The following CELF2 variants were observed in gnomAD, a reference collection of about 807,000 sequenced individuals.
CELF2 encodes the protein CUG triplet repeat RNA-binding protein 2.
In CELF2, 8 loss-of-function variants were observed where a neutral mutation model predicts 62.6. The ratio of observed to expected loss-of-function variants is 0.13; its 90% confidence interval spans 0.07 to 0.23. CELF2 has a LOEUF of 0.23. Ranked by LOEUF, CELF2 falls within the 10% of genes least tolerant of loss-of-function variation. The probability of loss-of-function intolerance (pLI) is 1.00; values close to 1 mark genes in which losing one functional copy is unlikely to be tolerated. For synonymous variants in CELF2, 258 were observed against 250.0 expected, an observed-to-expected ratio of 1.03 and a Z score of -0.30; for missense variants, 333 against 671.0, an observed-to-expected ratio of 0.50 and a Z score of 5.56.
In CELF2 at chr10:10,912,432, C is replaced by T. The variant is rs570953922; in HGVS notation, c.54-7532C>T. On this transcript the variant is annotated intron_variant, in intron 1 of 13. Coordinates refer to the CELF2 transcript ENST00000636488. ...GATGCTCTGTCTCCAGGCTGGAGCG[C>T]GATCTCGGCTCACTGCAACCTCCAC... Among the ~76,000 whole-genome samples the T allele has an allele frequency of 9.2e-5, 14 of 152,232 alleles. No homozygotes were observed. In the South Asian group the frequency reaches 1.2e-3, roughly 14 times the overall value.
chr10:11,139,952 G>C (rs948211218), intron 1 of CELF2, among the ~76,000 whole-genome samples: 1 of 151,916 alleles, frequency 6.6e-6, no homozygotes, highest in African/African-American at 2.4e-5. Flanking sequence ...ATATGGTAGA[G>C]TAAGCCATCT....
At chr10:10,569,811 G>GGACAT in the CELF2 span, among the ~76,000 whole-genome samples, 1 of 152,164 alleles carries the variant, frequency 6.6e-6, no homozygotes, top group East Asian at 1.9e-4. Context: ...GTCTTAGACT[G>GGACAT]CTAGATGCTG....
In CELF2 at chr10:10,983,835, G is replaced by T. The variant is rs981324233; in HGVS notation, c.89+63836G>T. Among the ~76,000 whole-genome samples, 9 of 152,344 alleles carry T rather than the reference G, an allele frequency of 5.9e-5. No homozygotes were observed. Among genetic ancestry groups the T allele is most frequent in the African/African-American group, 1.9e-4 (8 of 41,572 alleles). On this transcript the variant is annotated intron_variant, in intron 2 of 13. Transcript: ENST00000636488. The surrounding 1 kb of genome is among the most constrained non-coding windows in gnomAD (Gnocchi z 5.2). ...CTGCCTCAGCCTCCCAAAGTGCTGG[G>T]ATTACAGGCATGAGCTACCACGCCT...
At chr10:10,971,753 AT>A (rs2050779362) in intron 2 of CELF2, among the ~76,000 whole-genome samples, 1 of 151,944 alleles carries the variant, frequency 6.6e-6, no homozygotes, top group Non-Finnish European at 1.5e-5. Flanking sequence ...TGCCTGGCTA[AT>A]TTTTGTATTT....
the CELF2 span, among the ~76,000 whole-genome samples, chr10:10,598,899 T>C: frequency 6.6e-6 from 1 of 151,466 alleles, no homozygotes; most frequent in Non-Finnish European, 1.5e-5. Context: ...ATTACAGGCA[T>C]GCACCACCAC....
intron 2 of CELF2, among the ~76,000 whole-genome samples, chr10:11,180,204 T>C (rs1251462175): frequency 1.3e-5 from 2 of 152,208 alleles, no homozygotes; most frequent in African/African-American, 4.8e-5. Context: ...CTTAGCTTTT[T>C]TCTACCCTTT....
the CELF2 span, among the ~76,000 whole-genome samples, chr10:10,648,617 A>G: frequency 2.0e-5 from 3 of 152,192 alleles, no homozygotes; most frequent in Non-Finnish European, 4.4e-5. Context: ...GCTCTATGTC[A>G]TGATAGATCG....
Position 11,328,284 on chromosome 10 carries a change from A to G in CELF2, c.1439-642A>G, listed in dbSNP as rs2095858849. ...AAGGAGAAAGGCCCAGCACTTCCCTAGTCTCCTTGGTATTAACTCCAAATG... is the reference window on the plus strand; with the variant it reads ...AAGGAGAAAGGCCCAGCACTTCCCTGGTCTCCTTGGTATTAACTCCAAATG... On this transcript the variant is annotated intron_variant, in intron 12 of 12. Transcript: ENST00000633077. The surrounding 1 kb of genome is among the most constrained non-coding windows in gnomAD (Gnocchi z 6.4). 6.6e-6 allele frequency among the ~76,000 whole-genome samples: 1 copy of G among 152,246 alleles called. No individual in the cohort carries two copies. Among genetic ancestry groups the G allele is most frequent in the South Asian group, 2.1e-4 (1 of 4,830 alleles).
chr10:10,767,231 C>A, the CELF2 span, among the ~76,000 whole-genome samples: 1 of 152,076 alleles, frequency 6.6e-6, no homozygotes, highest in African/African-American at 2.4e-5. Context: ...CTGCCACCAC[C>A]ACCGACACCA....
intron 2 of CELF2, among the ~76,000 whole-genome samples, chr10:11,213,973 G>A (rs2062617769): frequency 6.6e-6 from 1 of 152,186 alleles, no homozygotes; most frequent in African/African-American, 2.4e-5. Flanking sequence ...ATATTAAGCA[G>A]ACCTGCTTTT....
upstream of CELF2, among the ~76,000 whole-genome samples, chr10:10,794,211 A>G (rs1299498495): frequency 6.6e-6 from 1 of 152,182 alleles, no homozygotes; most frequent in East Asian, 1.9e-4. Flanking sequence ...CCATCTGCCA[A>G]CCTTAAAATT....
chr10:11,204,193 A>G (rs181465755), intron 2 of CELF2, among the ~76,000 whole-genome samples: 1 of 152,356 alleles, frequency 6.6e-6, no homozygotes, highest in African/African-American at 2.4e-5. Context: ...AAGGAAGAAA[A>G]GAAGCTAACC....
At chr10:11,263,622 C>A (rs1005936776) in intron 5 of CELF2, among the ~76,000 whole-genome samples, 8 of 152,150 alleles carry the variant, frequency 5.3e-5, no homozygotes, top group Admixed American at 1.3e-4. Context: ...AGAAAGGGGA[C>A]AGTTACAACC....
intron 2 of CELF2, among the ~76,000 whole-genome samples, chr10:10,965,315 A>G (rs2050006691): frequency 6.6e-6 from 1 of 152,140 alleles, no homozygotes; most frequent in Non-Finnish European, 1.5e-5. Context: ...AAAATTCTTA[A>G]AGACAAAATT....
Position 11,269,067 on chromosome 10 carries a change from G to C in CELF2, c.619-1599G>C, listed in dbSNP as rs1448761586. ...TCTGTTAGGAGAGATGCTATAATTT[G>C]TTATGGAACAAATTTGATGGAACAA... is the stretch of plus-strand genomic sequence containing the variant. On this transcript the variant is annotated intron_variant, in intron 6 of 12. Transcript: ENST00000633077. This position sits in a 1 kb window ranked among gnomAD's most constrained non-coding sequence, Gnocchi z 4.4. 6.6e-6 allele frequency among the ~76,000 whole-genome samples: 1 copy of C among 152,098 alleles called. No individual in the cohort carries two copies. Among genetic ancestry groups the C allele is most frequent in the Non-Finnish European group, 1.5e-5 (1 of 68,012 alleles).
At chr10:11,258,719 G>C (rs2079545241) in intron 5 of CELF2, among the ~76,000 whole-genome samples, 1 of 152,132 alleles carries the variant, frequency 6.6e-6, no homozygotes, top group African/African-American at 2.4e-5. Context: ...ACTTCTTTTT[G>C]CTCTGTCGCC....
At chr10:11,041,638 G>A (rs1416454924) in intron 1 of CELF2, among the ~76,000 whole-genome samples, 1 of 152,202 alleles carries the variant, frequency 6.6e-6, no homozygotes, top group Non-Finnish European at 1.5e-5. Flanking sequence ...TTTCTGATGA[G>A]TCAAGTTACA....
chr10:10,537,561 A>G, the CELF2 span, among the ~76,000 whole-genome samples: 2 of 152,160 alleles, frequency 1.3e-5, no homozygotes, highest in Non-Finnish European at 2.9e-5. Flanking sequence ...AAAATACTTC[A>G]TAACGACCTG....
chr10:11,197,307 G>A (rs2058218703), intron 2 of CELF2, among the ~76,000 whole-genome samples: 2 of 152,134 alleles, frequency 1.3e-5, no homozygotes, highest in Admixed American at 6.5e-5. Context: ...GTGAATCCAG[G>A]AGCCTCCCAT....
Sources: allele counts gnomAD v4.1 joint callset (sites outside exome capture counted in the v4.1 genomes callset), GRCh38; gene constraint gnomAD v4.1.1; non-coding constraint Gnocchi (gnomAD v3.1); transcripts MANE v1.5; gene names NCBI Gene and HGNC (gene_info 2026-07-23, HGNC 2026-07-21).